DOP1A: variants seen among roughly 807,000 people sequenced by gnomAD.
The protein encoded by DOP1A is DOP1 leucine zipper like protein A.
In DOP1A, 90 loss-of-function variants were observed where a neutral mutation model predicts 267.6. The ratio of observed to expected loss-of-function variants is 0.34; its 90% confidence interval spans 0.28 to 0.40. The LOEUF is 0.40. Ranked by LOEUF, DOP1A falls within the 10% of genes least tolerant of loss-of-function variation. The probability of loss-of-function intolerance (pLI) is 1.00; values close to 1 mark genes in which losing one functional copy is unlikely to be tolerated. For synonymous variants in DOP1A, 932 were observed against 999.1 expected, an observed-to-expected ratio of 0.93 and a Z score of 1.27; for missense variants, 2,437 against 2,900.4, an observed-to-expected ratio of 0.84 and a Z score of 3.67.
chr6:83,109,118 A>G lies in DOP1A; in HGVS notation c.491+38A>G, dbSNP rs778886147. On this transcript the variant is annotated intron_variant, in intron 5 of 38. Transcript: ENST00000349129. ...TTGGTGCAGTTATGTAATTGAAGTC[A>G]TGGATTTGTCAGCAAGCATATTTAG... 6 of 1,588,634 alleles carry G rather than the reference A, an allele frequency of 3.8e-6. No homozygotes were observed. The Admixed American group carries it at 7.0e-5, about 19-fold the overall frequency.
chr6:83,100,703 A>G lies in DOP1A; in HGVS notation c.139-2A>G, dbSNP rs781490647. The G allele has an allele frequency of 4.8e-6, 7 of 1,458,986 alleles. No homozygotes were observed. The highest frequency in any genetic ancestry group is 6.4e-6 in the Non-Finnish European group (7 of 1,099,918). 90.4% of individuals were successfully genotyped at this position (1,458,986 alleles called of 1,614,324 possible). ...CAACTACATTAAAATGCTTTCTTCA[A>G]GGTTTTACAAAATAATGCAAAGTAC... On this transcript the variant is annotated splice_acceptor_variant, in intron 3 of 38. Transcript: ENST00000349129. LOFTEE classifies it high-confidence loss of function.
downstream of DOP1A, chr6:83,168,588 T>A (rs1786402346): frequency 1.0e-6 from 1 of 997,768 alleles, no homozygotes; most frequent in African/African-American, 1.7e-5. Flanking sequence ...GGAAACGTAT[T>A]ATAATTAGTT....
chr6:83,155,538 C>T (rs1452449905), intron 33 of DOP1A, among the ~76,000 whole-genome samples: 2 of 152,036 alleles, frequency 1.3e-5, no homozygotes, highest in Non-Finnish European at 2.9e-5. Context: ...ACAAGCAAGA[C>T]AGTGTGGCTA....
At chr6:83,170,356 C>G, downstream of DOP1A, 1 of 1,614,102 alleles carries the variant, frequency 6.2e-7, no homozygotes, top group Non-Finnish European at 8.5e-7. Flanking sequence ...TACCAGAGGG[C>G]CGGACAAAAG....
intron 38 of DOP1A, chr6:83,166,559 A>C (rs77456516): frequency 1.9e-6 from 1 of 537,006 alleles, no homozygotes; most frequent in Non-Finnish European, 3.1e-6. Context: ...AGTCATTAGC[A>C]AAAAAAAAGT....
chr6:83,140,186 A>G, intron 22 of DOP1A, 35 bp from the exon 23 acceptor site: 1 of 1,605,612 alleles, frequency 6.2e-7, no homozygotes, highest in Non-Finnish European at 8.5e-7. Flanking sequence ...AAATCTCAGT[A>G]AGTAATATGT....
chr6:83,145,496 T>C, intron 24 of DOP1A, 28 bp from the exon 25 acceptor site: 1 of 1,550,502 alleles, frequency 6.4e-7, no homozygotes, highest in Non-Finnish European at 8.7e-7. Flanking sequence ...TATACATACA[T>C]ACATACATAC....
At chr6:83,141,884 TA>T in intron 23 of DOP1A, 36 bp from the exon 24 acceptor site, 1 of 1,572,028 alleles carries the variant, frequency 6.4e-7, no homozygotes, top group Non-Finnish European at 8.6e-7. Context: ...TTTCATTTTT[TA>T]AAAGTTTCAC....
At chr6:83,109,934 T>A (rs1774267672) in intron 5 of DOP1A, among the ~76,000 whole-genome samples, 191 bp from the exon 6 acceptor site, 2 of 152,200 alleles carry the variant, frequency 1.3e-5, no homozygotes, top group African/African-American at 4.8e-5. Flanking sequence ...TAGTAAATGG[T>A]GGAGCCAGGA....
chr6:83,087,731 C>T (rs768886405), intron 1 of DOP1A, among the ~76,000 whole-genome samples: 2 of 152,232 alleles, frequency 1.3e-5, no homozygotes, highest in African/African-American at 4.8e-5. Flanking sequence ...ATACACGAAG[C>T]ACTTGAATAG....
At chr6:83,145,204 A>ATAATATATATATAT (rs1554246758) in intron 24 of DOP1A, among the ~76,000 whole-genome samples, 4 of 646 alleles carry the variant, frequency 6.2e-3, no homozygotes, top group African/African-American at 0.017. Context: ...ATATATATAT[A>ATAATATATATATAT]ATAATATATA....
At chr6:83,153,659 T>C (rs746046328) in intron 31 of DOP1A, 39 bp downstream of exon 31, 49 of 1,471,996 alleles carry the variant, frequency 3.3e-5, no homozygotes, top group Non-Finnish European at 4.5e-5. Context: ...AATTAATTCA[T>C]AGCCTGTTAG....
rs755273227 is a variant in DOP1A, at chr6:83,130,235, G to A, written c.2454G>A (p.Val818=). 5 of 1,614,002 alleles carry A rather than the reference G, an allele frequency of 3.1e-6. No individual in the cohort carries two copies. Among genetic ancestry groups the A allele is most frequent in the Non-Finnish European group, 4.2e-6 (5 of 1,179,966 alleles). The part of the protein sequence containing the change: ...SVAISLVMDL[V]GLTQSVAMVT... ...CTATTTCACTAGTTATGGACCTGGTGGGACTGACACAGTCTGTGGCCATGG... is the reference window on the plus strand; with the variant it reads ...CTATTTCACTAGTTATGGACCTGGTAGGACTGACACAGTCTGTGGCCATGG... The change falls in exon 17 of 39, where the codon GTG becomes GTA. Residue 818 remains valine (V), a synonymous_variant. Coordinates refer to ENST00000349129, the MANE Select transcript of DOP1A (RefSeq NM_015018.4).
chr6:83,125,382 CATG>C (rs770852814), intron 14 of DOP1A, 115 bp from the exon 15 acceptor site: 32 of 1,032,852 alleles, frequency 3.1e-5, no homozygotes, highest in Non-Finnish European at 4.1e-5. Context: ...TAATTAAGAG[CATG>C]ATGCATATAA....
At chr6:83,170,220 A>G, downstream of DOP1A, 1 of 1,237,278 alleles carries the variant, frequency 8.1e-7, no homozygotes, top group Non-Finnish European at 1.2e-6. Flanking sequence ...TAATCATCAT[A>G]GTGAGATTCT....
chr6:83,095,502 G>T (rs1054454154), intron 1 of DOP1A, among the ~76,000 whole-genome samples: 13 of 152,124 alleles, frequency 8.5e-5, no homozygotes, highest in African/African-American at 2.9e-4. Context: ...CTTCCTGTAG[G>T]TCCGTGCATC....
intron 1 of DOP1A, among the ~76,000 whole-genome samples, chr6:83,071,263 G>A (rs1349451298): frequency 6.6e-6 from 1 of 151,974 alleles, no homozygotes; most frequent in Non-Finnish European, 1.5e-5. Flanking sequence ...CCAGGCTGGA[G>A]TGCAGTGGAG....
intron 38 of DOP1A, chr6:83,166,497 G>T: frequency 1.4e-6 from 1 of 695,378 alleles, no homozygotes; most frequent in South Asian, 1.5e-5. Flanking sequence ...CGCTAAATTT[G>T]ATTTTTGTCT....
intron 35 of DOP1A, among the ~76,000 whole-genome samples, chr6:83,157,813 C>G (rs1048110875): frequency 1.3e-5 from 2 of 152,098 alleles, no homozygotes; most frequent in African/African-American, 4.8e-5. Flanking sequence ...AAAACCTTCC[C>G]AAGTCCCACC....
Sources: gnomAD v4.1 joint callset for allele counts (sites outside exome capture counted in the v4.1 genomes callset) on GRCh38, gnomAD v4.1.1 for gene constraint, MANE v1.5 for transcripts, NCBI Gene and HGNC (gene_info 2026-07-23, HGNC 2026-07-21) for gene names.